Variants in CRYBG1 observed in about 807,000 individuals in gnomAD.
The protein encoded by CRYBG1 is beta/gamma crystallin domain-containing protein 1.
In CRYBG1, 139 loss-of-function variants were observed where a neutral mutation model predicts 189.2. That is an observed-to-expected ratio of 0.73 (90% CI 0.64 to 0.85). The LOEUF is 0.85. Among genes scored for constraint, CRYBG1 ranks in the 40% least tolerant of loss-of-function variants. The probability of loss-of-function intolerance (pLI) is 0.00; values close to 1 mark genes in which losing one functional copy is unlikely to be tolerated. For synonymous variants in CRYBG1, 1,023 were observed against 1,017.1 expected (o/e 1.01, Z -0.11); for missense variants, 2,611 against 2,675.8 (o/e 0.98, Z 0.53).
chr6:106,368,058 A>G (rs893719078), intron 1 of CRYBG1, among the ~76,000 whole-genome samples: 7 of 152,298 alleles, frequency 4.6e-5, no homozygotes, highest in Admixed American at 6.5e-5. Flanking sequence ...CATATTAGAT[A>G]TTGAAATAGT....
At chr6:106,541,886 T>C (rs1458240022) in intron 10 of CRYBG1, among the ~76,000 whole-genome samples, 1 of 152,194 alleles carries the variant, frequency 6.6e-6, no homozygotes, top group East Asian at 1.9e-4. Flanking sequence ...GTCATTGTTA[T>C]ATTGAGTTAA....
At chr6:106,387,379 A>T (rs567304620) in intron 1 of CRYBG1, among the ~76,000 whole-genome samples, 28 of 152,338 alleles carry the variant, frequency 1.8e-4, no homozygotes, top group African/African-American at 6.5e-4. Context: ...TTTCACACCC[A>T]GGAGAGATGG....
At chr6:106,430,889 T>G (rs1172176658) in intron 1 of CRYBG1, among the ~76,000 whole-genome samples, 4 of 151,940 alleles carry the variant, frequency 2.6e-5, no homozygotes, top group Non-Finnish European at 5.9e-5. Flanking sequence ...AGAGATGGAG[T>G]CTCGCTCTGT....
intron 2 of CRYBG1, among the ~76,000 whole-genome samples, chr6:106,493,836 T>C (rs956909847): frequency 1.1e-4 from 16 of 152,096 alleles, no homozygotes; most frequent in Non-Finnish European, 1.9e-4. Context: ...TCAGGAAGAA[T>C]AGCTAATGGA....
At chr6:106,422,081 C>T (rs1306424078) in intron 1 of CRYBG1, among the ~76,000 whole-genome samples, 1 of 152,160 alleles carries the variant, frequency 6.6e-6, no homozygotes, top group Non-Finnish European at 1.5e-5. Context: ...ACCATATAAA[C>T]TCCAGATTCA....
intron 1 of CRYBG1, among the ~76,000 whole-genome samples, chr6:106,444,830 C>T (rs1319038292): frequency 2.6e-5 from 4 of 152,160 alleles, no homozygotes; most frequent in Non-Finnish European, 5.9e-5. Flanking sequence ...GGAGATGGCT[C>T]CCAGCCTTCA....
chr6:106,472,478 TA>T (rs1772251038), intron 2 of CRYBG1, among the ~76,000 whole-genome samples: 1 of 152,182 alleles, frequency 6.6e-6, no homozygotes, highest in Non-Finnish European at 1.5e-5. Context: ...TTTATTTTTC[TA>T]TTTTTTAAAA....
At chr6:106,552,353 A>T in intron 15 of CRYBG1, 137 bp downstream of exon 15, 1 of 519,294 alleles carries the variant, frequency 1.9e-6, no homozygotes. Flanking sequence ...TGGGAGGTCA[A>T]GGCAGGTGGA....
rs1314970422 is a variant in CRYBG1 at position 106,543,603 on chromosome 6, T to C, written c.5039+6T>C. On this transcript the variant is annotated splice_donor_region_variant and intron_variant, in intron 11 of 21. Coordinates refer to ENST00000633556, the MANE Select transcript of CRYBG1 (RefSeq NM_001371242.2). ...ATGAAAGTTCTAAGAGGCATGTAAG[T>C]ACATGGGTGACTTGTTAGGATTTCT... 1 of 1,608,616 alleles carries C rather than the reference T, an allele frequency of 6.2e-7. No homozygotes were observed. Among genetic ancestry groups the C allele is most frequent in the East Asian group, 2.2e-5 (1 of 44,810 alleles).
chr6:106,489,544 C>A (rs1263551453), intron 2 of CRYBG1, among the ~76,000 whole-genome samples: 1 of 151,714 alleles, frequency 6.6e-6, no homozygotes, highest in Non-Finnish European at 1.5e-5. Context: ...ATTGGCCAGG[C>A]ACAGTGGCTC....
At chr6:106,517,481 T>TAC (rs1773467482) in intron 3 of CRYBG1, among the ~76,000 whole-genome samples, 3 of 147,994 alleles carry the variant, frequency 2.0e-5, no homozygotes, top group African/African-American at 7.4e-5. Flanking sequence ...CACATATATA[T>TAC]ATACACACAC....
Position 106,541,579 on chromosome 6 carries a change from T to C in CRYBG1, c.4846-7T>C. Reference sequence around the variant, plus strand: ...AACTATTTTTCTTACTATGTTGTTTTTTTCAGGGTGGCCGTAAAGTTGAAT... The same window carrying C: ...AACTATTTTTCTTACTATGTTGTTTCTTTCAGGGTGGCCGTAAAGTTGAAT... On this transcript the variant is annotated splice_region_variant and splice_polypyrimidine_tract_variant and intron_variant, in intron 9 of 21. Transcript: ENST00000633556. 1 of 1,611,962 alleles carries C rather than the reference T, an allele frequency of 6.2e-7. No individual in the cohort carries two copies. The highest frequency in any genetic ancestry group is 8.5e-7 in the Non-Finnish European group (1 of 1,178,268).
At chr6:106,486,182 C>G (rs995175005) in intron 2 of CRYBG1, among the ~76,000 whole-genome samples, 8 of 152,126 alleles carry the variant, frequency 5.3e-5, no homozygotes, top group African/African-American at 1.7e-4. Context: ...TCTCAAGAAA[C>G]TTTTAAATTT....
At chr6:106,440,226 A>T (rs1402271157) in intron 1 of CRYBG1, among the ~76,000 whole-genome samples, 1 of 149,534 alleles carries the variant, frequency 6.7e-6, no homozygotes, top group African/African-American at 2.5e-5. Flanking sequence ...ACCTTATTTG[A>T]AGCACTTTCC....
In CRYBG1 at chr6:106,530,166, A is replaced by G. The variant is rs1208104929; in HGVS notation, c.4579-10A>G. The G allele has an allele frequency of 6.2e-7, 1 of 1,604,342 alleles. No homozygotes were observed. The highest frequency in any genetic ancestry group is 8.5e-7 in the Non-Finnish European group (1 of 1,174,698). On this transcript the variant is annotated splice_polypyrimidine_tract_variant and intron_variant, in intron 7 of 21. Coordinates refer to ENST00000633556, the MANE Select transcript of CRYBG1 (RefSeq NM_001371242.2). The stretch of plus-strand genomic sequence containing the variant: ...CAATTCTTACTATCTATGCATCTAT[A>G]TTTTTTCAGGATTACAGAGTTAGTC...
rs540719584 is a variant in CRYBG1, at chr6:106,481,872, G to A, written c.313-29558G>A. ...CATGCCTGCCATTAGTCCTGGGATA[G>A]GATACTACTCATGGGGGTTCCCCAA... On this transcript the variant is annotated intron_variant, in intron 2 of 21. Coordinates refer to ENST00000633556, the MANE Select transcript of CRYBG1 (RefSeq NM_001371242.2). Among the ~76,000 whole-genome samples the A allele has an allele frequency of 3.9e-5, 6 of 152,338 alleles. No individual in the cohort carries two copies. In the South Asian group the frequency reaches 1.2e-3, roughly 32 times the overall value.
At chr6:106,431,918 T>C (rs1251066906) in intron 1 of CRYBG1, among the ~76,000 whole-genome samples, 1 of 152,190 alleles carries the variant, frequency 6.6e-6, no homozygotes, top group Non-Finnish European at 1.5e-5. Context: ...ATGATGAATT[T>C]GCCACCCACA....
intron 16 of CRYBG1, among the ~76,000 whole-genome samples, chr6:106,555,118 T>A (rs9398095): frequency 0.76 from 113,579 of 150,338 alleles, 44,492 homozygotes; most frequent in Non-Finnish European, 0.87. Flanking sequence ...TGAGCCGAGA[T>A]CATGCCACTG....
chr6:106,407,211 CA>C (rs144880146), intron 1 of CRYBG1, among the ~76,000 whole-genome samples: 98,756 of 151,072 alleles, frequency 0.65, 32,252 homozygotes, highest in South Asian at 0.76. Flanking sequence ...ATATGGAAAG[CA>C]AAAAAAAAGC....
Sources: gnomAD v4.1 joint callset for allele counts (sites outside exome capture counted in the v4.1 genomes callset) on GRCh38, gnomAD v4.1.1 for gene constraint, MANE v1.5 for transcripts, NCBI Gene and HGNC (gene_info 2026-07-23, HGNC 2026-07-21) for gene names.